Variants in CCR1 observed in about 807,000 individuals in gnomAD.
CCR1 encodes the protein C-C chemokine receptor type 1.
Under a neutral mutation model 0.3 loss-of-function variants are expected in CCR1, and 1 was observed. The ratio of observed to expected loss-of-function variants is 3.70; its 90% CI spans 1.31 to 17.54. CCR1 has a LOEUF of 17.54. Ranked by LOEUF, CCR1 falls within the 30% of genes most tolerant of loss-of-function variation. CCR1 has a pLI of 0.11. For missense variants in CCR1, 349 were observed against 435.4 expected, an observed-to-expected ratio of 0.80 and a Z score of 1.77; for synonymous variants, 207 against 182.5, an observed-to-expected ratio of 1.13 and a Z score of -1.08.
chr3:46,204,094 G>A lies in CCR1; in HGVS notation c.220C>T (p.Leu74=), dbSNP rs968346374. ...AGCAGGTCAGAAATGGCCAGGTTCA[G>A]GAGGTAGATGCTGGTCATGTTTTTT... ...RLKNMTSIYL[L]NLAISDLLFL... is the part of the protein sequence containing the mutation. Residue 74 remains leucine, a synonymous_variant, in exon 2 of 2, where the codon CTG becomes TTG. Coordinates refer to ENST00000296140, the MANE Select transcript of CCR1 (RefSeq NM_001295.3). The A allele has an allele frequency of 4.3e-6, 7 of 1,614,080 alleles. No homozygotes were observed. Among genetic ancestry groups the A allele is most frequent in the Admixed American group, 3.3e-5 (2 of 60,010 alleles).
chr3:46,204,317 G>A lies in CCR1; in HGVS notation c.-4C>T, dbSNP rs201968776. 13 of 1,547,858 alleles carry A rather than the reference G, an allele frequency of 8.4e-6. No individual in the cohort carries two copies. The highest frequency in any genetic ancestry group is 2.1e-5 in the Admixed American group (1 of 47,466). On this transcript the variant is annotated 5_prime_UTR_variant, in exon 2 of 2. Transcript: ENST00000296140. ...CTGTGGTGTTTGGAGTTTCCATCCC[G>A]GCTTCTCCTACAGGTTAAAAAAAAA... is the stretch of plus-strand genomic sequence containing the variant.
At position 46,203,762 on chromosome 3, in the gene CCR1, G is replaced by A. The variant is rs1466295293; in HGVS notation, c.552C>T (p.Ser184=). The A allele has an allele frequency of 6.2e-7, 1 of 1,614,062 alleles. No individual in the cohort carries two copies. The highest frequency in any genetic ancestry group is 1.3e-5 in the African/African-American group (1 of 74,930). ...GTAGGCTTTCGTGAGGAAAGTGAAG[G>A]CTGCAGGTGTGGTGAGTGAATTCCC... ...TQWEFTHHTC[S]LHFPHESLRE... The change falls in exon 2 of 2, where the codon AGC becomes AGT. Residue 184 remains serine (S), a synonymous_variant. Coordinates refer to ENST00000296140, the MANE Select transcript of CCR1 (RefSeq NM_001295.3). This position sits in a 1 kb window ranked among gnomAD's most constrained non-coding sequence, Gnocchi z 4.5.
At chr3:46,207,774 A>AG (rs1291298570) in intron 1 of CCR1, among the ~76,000 whole-genome samples, 2 of 151,494 alleles carry the variant, frequency 1.3e-5, no homozygotes, top group African/African-American at 4.9e-5. Flanking sequence ...CCTCTTGAGT[A>AG]GCTGGGACTA....
intron 1 of CCR1, among the ~76,000 whole-genome samples, chr3:46,206,542 C>A (rs1699650068): frequency 6.6e-6 from 1 of 152,226 alleles, no homozygotes; most frequent in South Asian, 2.1e-4. Context: ...TTGGAAAGCA[C>A]AAAGAGCAGC....
chr3:46,205,617 G>T (rs1211050145), intron 1 of CCR1, among the ~76,000 whole-genome samples: 1 of 152,160 alleles, frequency 6.6e-6, no homozygotes, highest in African/African-American at 2.4e-5. Flanking sequence ...TGGCTTTGGT[G>T]TAACCTACGA....
chr3:46,205,801 T>TGGCAAGAGCCAGGCCAGGGCAC (rs1174966552), intron 1 of CCR1, among the ~76,000 whole-genome samples: 1 of 152,096 alleles, frequency 6.6e-6, no homozygotes, highest in East Asian at 1.9e-4. Context: ...ATTGAGGGCC[T>TGGCAAGAGCCAGGCCAGGGCAC]GGCAAGAGCC....
rs1350782772 is a variant in CCR1 at position 46,203,908 on chromosome 3, C to T, written c.406G>A (p.Val136Ile). 6 of 1,614,150 alleles carry T rather than the reference C, an allele frequency of 3.7e-6. No homozygotes were observed. Among genetic ancestry groups the T allele is most frequent in the East Asian group, 2.2e-5 (1 of 44,878 alleles). Residue 136 changes from valine (V) to isoleucine (I), a missense_variant, in exon 2 of 2, where the codon GTC becomes ATC. Physicochemically the swap from Val to Ile is conservative, Grantham distance 29 (BLOSUM62 3). Coordinates refer to ENST00000296140, the MANE Select transcript of CCR1 (RefSeq NM_001295.3). This position sits in a 1 kb window ranked among gnomAD's most constrained non-coding sequence, Gnocchi z 4.5. ...LLTIDRYLAIVHAVFALRART... is the reference protein window; with the variant it reads ...LLTIDRYLAIIHAVFALRART... The stretch of plus-strand genomic sequence containing the variant: ...GCCCGCAAGGCAAACACGGCGTGGA[C>T]GATGGCCAGGTACCTGTCAATCGTC...
chr3:46,203,430 C>T lies in CCR1; in HGVS notation c.884G>A (p.Cys295Tyr). The T allele has an allele frequency of 6.2e-7, 1 of 1,614,184 alleles. No homozygotes were observed. Among genetic ancestry groups the T allele is most frequent in the Non-Finnish European group, 8.5e-7 (1 of 1,180,036 alleles). Reference protein sequence around the residue: ...VTEVIAYTHCCVNPVIYAFVG... With the variant: ...VTEVIAYTHCYVNPVIYAFVG... ...GAAGGCGTAGATCACTGGGTTGACA[C>T]AGCAGTGCGTGTAGGCGATCACCTC... is the stretch of plus-strand genomic sequence containing the variant. The change falls in exon 2 of 2, where the codon TGT (cysteine) becomes TAT (tyrosine). Residue 295 changes from cysteine (C) to tyrosine (Y), a missense_variant. Cys to Tyr is a radical substitution (Grantham distance 194). Coordinates refer to ENST00000296140, the MANE Select transcript of CCR1 (RefSeq NM_001295.3). This position sits in a 1 kb window ranked among gnomAD's most constrained non-coding sequence, Gnocchi z 4.5.
intron 1 of CCR1, 34 bp from the exon 2 acceptor site, chr3:46,204,358 TA>T: frequency 4.5e-6 from 6 of 1,342,304 alleles, no homozygotes; most frequent in Non-Finnish European, 2.0e-6. Context: ...GATTTGTCTT[TA>T]CTCTGCTACT....
rs201541865 is a variant in CCR1, at chr3:46,202,784, G to GA, written c.*461_*462insT. 6.9e-6 allele frequency: 1 copy of GA among 145,632 alleles called. No homozygotes were observed. Among genetic ancestry groups the GA allele is most frequent in the African/African-American group, 2.6e-5 (1 of 38,282 alleles). The allele number at this position is 145,632 out of a possible 1,614,324, so 9.0% of individuals were successfully genotyped here. Reference sequence around the variant, plus strand: ...GTTCTTTGGCAGTGGGAGGGTGGCGGGGGGGGGGAGGTGATGGAAGAACAG... The same window carrying GA: ...GTTCTTTGGCAGTGGGAGGGTGGCGGAGGGGGGGGAGGTGATGGAAGAACAG... On this transcript the variant is annotated 3_prime_UTR_variant, in exon 2 of 2. Coordinates refer to ENST00000296140, the MANE Select transcript of CCR1 (RefSeq NM_001295.3).
Position 46,203,502 on chromosome 3 carries a change from T to G in CCR1, c.812A>C (p.His271Pro). The change falls in exon 2 of 2, where the codon CAT becomes CCT. Residue 271 changes from histidine to proline, a missense_variant. Physicochemically the swap from His to Pro is moderately conservative, Grantham distance 77 (BLOSUM62 -2). Transcript: ENST00000296140. The surrounding 1 kb of genome is among the most constrained non-coding windows in gnomAD (Gnocchi z 4.5). ...CAAATGTCTGCTCTGCTCACACTCATGGGTGAACAGGAAGTCTTGGAAAAC... is the reference window on the plus strand; with the variant it reads ...CAAATGTCTGCTCTGCTCACACTCAGGGGTGAACAGGAAGTCTTGGAAAAC... ...ISVFQDFLFT[H>P]ECEQSRHLDL... 6.2e-7 allele frequency: 1 copy of G among 1,613,958 alleles called. No homozygotes were observed. Among genetic ancestry groups the G allele is most frequent in the Non-Finnish European group, 8.5e-7 (1 of 1,179,884 alleles).
chr3:46,203,887 G>A lies in CCR1; in HGVS notation c.427C>T (p.Arg143Trp), dbSNP rs368420597. ...ACACCAAAAGTGACGGTCCGTGCCC[G>A]CAAGGCAAACACGGCGTGGACGATG... The part of the protein sequence containing the change: ...LAIVHAVFAL[R>W]ARTVTFGVIT... Residue 143 changes from arginine (R) to tryptophan (W), a missense_variant, in exon 2 of 2, where the codon CGG becomes TGG. Physicochemically the swap from Arg to Trp is moderately radical, Grantham distance 101. Coordinates refer to ENST00000296140, the MANE Select transcript of CCR1 (RefSeq NM_001295.3). The surrounding 1 kb of genome is among the most constrained non-coding windows in gnomAD (Gnocchi z 4.5). The A allele has an allele frequency of 3.1e-6, 5 of 1,614,034 alleles. No homozygotes were observed. Among genetic ancestry groups the A allele is most frequent in the South Asian group, 1.1e-5 (1 of 91,078 alleles).
intron 1 of CCR1, among the ~76,000 whole-genome samples, chr3:46,205,961 G>A (rs1699644334): frequency 6.6e-6 from 1 of 152,190 alleles, no homozygotes; most frequent in African/African-American, 2.4e-5. Context: ...CCACCCCCCT[G>A]CCAAATTTCT....
intron 1 of CCR1, among the ~76,000 whole-genome samples, chr3:46,205,873 C>T (rs1444376755): frequency 6.6e-6 from 1 of 152,120 alleles, no homozygotes; most frequent in Non-Finnish European, 1.5e-5. Context: ...AGGAGCCCTT[C>T]CCTGAGGCCT....
In CCR1 at chr3:46,203,431, A is replaced by G; in HGVS notation, c.883T>C (p.Cys295Arg). Residue 295 changes from cysteine to arginine, a missense_variant, in exon 2 of 2, where the codon TGT (cysteine) becomes CGT (arginine). Physicochemically the swap from Cys to Arg is radical, Grantham distance 180. Coordinates refer to ENST00000296140, the MANE Select transcript of CCR1 (RefSeq NM_001295.3). The surrounding 1 kb of genome is among the most constrained non-coding windows in gnomAD (Gnocchi z 4.5). The stretch of plus-strand genomic sequence containing the variant: ...AAGGCGTAGATCACTGGGTTGACAC[A>G]GCAGTGCGTGTAGGCGATCACCTCC... The part of the protein sequence containing the change: ...VTEVIAYTHC[C>R]VNPVIYAFVG... 6.2e-7 allele frequency: 1 copy of G among 1,614,188 alleles called. No individual in the cohort carries two copies. Among genetic ancestry groups the G allele is most frequent in the Non-Finnish European group, 8.5e-7 (1 of 1,180,026 alleles).
rs1699599771 is a variant in CCR1, at chr3:46,202,003, T to G, written c.*1243A>C. On this transcript the variant is annotated 3_prime_UTR_variant, in exon 2 of 2. Coordinates refer to ENST00000296140, the MANE Select transcript of CCR1 (RefSeq NM_001295.3). ...AATTATTTTTAAAGAAATATACATC[T>G]GAGGGAAAAGAGAACAAAGGCATGA... The G allele has an allele frequency of 6.6e-6, 1 of 152,138 alleles. No individual in the cohort carries two copies. The highest frequency in any genetic ancestry group is 6.5e-5 in the Admixed American group (1 of 15,284). The allele number at this position is 152,138 out of a possible 1,614,324, so 9.4% of individuals were successfully genotyped here.
chr3:46,207,677 G>T (rs752366145), intron 1 of CCR1, among the ~76,000 whole-genome samples: 3 of 146,296 alleles, frequency 2.1e-5, no homozygotes, highest in Non-Finnish European at 3.0e-5. Context: ...ACAGACTCTT[G>T]CTCTGTCGCC....
Position 46,203,879 on chromosome 3 carries a change from C to T in CCR1, c.435G>A (p.Arg145=), listed in dbSNP as rs1699621769. The T allele has an allele frequency of 2.5e-6, 4 of 1,614,178 alleles. No homozygotes were observed. Among genetic ancestry groups the T allele is most frequent in the Middle Eastern group, 1.6e-4 (1 of 6,062 alleles). The change falls in exon 2 of 2, where the codon CGG becomes CGA. Residue 145 remains arginine, a synonymous_variant. Transcript: ENST00000296140. The surrounding 1 kb of genome is among the most constrained non-coding windows in gnomAD (Gnocchi z 4.5). ...TGGTGATGACACCAAAAGTGACGGT[C>T]CGTGCCCGCAAGGCAAACACGGCGT... ...IVHAVFALRA[R]TVTFGVITSI...
At chr3:46,207,891 C>A (rs559208487) in intron 1 of CCR1, among the ~76,000 whole-genome samples, 2 of 152,150 alleles carry the variant, frequency 1.3e-5, no homozygotes, top group African/African-American at 4.8e-5. Flanking sequence ...CCACCTGCCT[C>A]GGTCTCCCAA....
Sources: allele counts gnomAD v4.1 joint callset (sites outside exome capture counted in the v4.1 genomes callset), GRCh38; gene constraint gnomAD v4.1.1; non-coding constraint Gnocchi (gnomAD v3.1); transcripts MANE v1.5; gene names NCBI Gene and HGNC (gene_info 2026-07-23, HGNC 2026-07-21).